The following COPG2 variants were observed in gnomAD, a reference collection of about 807,000 sequenced individuals.
COPG2 encodes the protein coatomer subunit gamma-2.
A neutral mutation model predicts 46.3 loss-of-function variants in COPG2; 37 were observed. The observed-to-expected ratio is 0.80, with a 90% CI of 0.61 to 1.05. The LOEUF (loss-of-function observed/expected upper bound fraction) is 1.05, where lower values mean the gene tolerates loss of function less well. Ranked by LOEUF, COPG2 falls within the 50% of genes least tolerant of loss-of-function variation. The pLI is 0.00. For missense variants in COPG2, 427 were observed against 387.8 expected (o/e 1.10, Z -0.85); for synonymous variants, 159 against 129.7 (o/e 1.23, Z -1.53).
chr7:130,585,226 C>A (rs1344399928), intron 9 of COPG2, among the ~76,000 whole-genome samples: 3 of 152,004 alleles, frequency 2.0e-5, no homozygotes, highest in Admixed American at 2.0e-4. Flanking sequence ...AAAGGACACC[C>A]TTTTCAACTA....
chr7:130,592,771 T>G (rs1273801059), intron 9 of COPG2, among the ~76,000 whole-genome samples: 7 of 152,290 alleles, frequency 4.6e-5, no homozygotes, highest in African/African-American at 1.7e-4. Flanking sequence ...CAGCCTCTGA[T>G]TATACCAGGG....
intron 5 of COPG2, among the ~76,000 whole-genome samples, chr7:130,648,176 T>C (rs1231158885): frequency 6.6e-6 from 1 of 152,152 alleles, no homozygotes; most frequent in Non-Finnish European, 1.5e-5. Flanking sequence ...AGCCAACAAA[T>C]TTTCTATGCA....
At chr7:130,616,957 C>A (rs782354790) in intron 6 of COPG2, 33 bp downstream of exon 6, 1 of 1,426,896 alleles carries the variant, frequency 7.0e-7, no homozygotes, top group South Asian at 1.2e-5. Context: ...ACATAGTGTT[C>A]CATTTGGTAA....
chr7:130,524,651 C>T (rs1201368360), intron 20 of COPG2, among the ~76,000 whole-genome samples: 1 of 152,004 alleles, frequency 6.6e-6, no homozygotes, highest in Non-Finnish European at 1.5e-5. Flanking sequence ...GGGACTTTAC[C>T]CCAGATGGGG....
chr7:130,661,694 C>T (rs782040952), intron 4 of COPG2, among the ~76,000 whole-genome samples: 4 of 152,096 alleles, frequency 2.6e-5, no homozygotes, highest in Admixed American at 6.5e-5. Context: ...GAAGACAAAG[C>T]CTTGGGTAAC....
intron 9 of COPG2, among the ~76,000 whole-genome samples, chr7:130,566,533 C>T (rs905264885): frequency 2.0e-5 from 3 of 152,198 alleles, no homozygotes; most frequent in Admixed American, 6.5e-5. Flanking sequence ...TAAAGAAAGA[C>T]TGAGAGAGAG....
intron 20 of COPG2, among the ~76,000 whole-genome samples, chr7:130,545,448 A>T (rs1793424988): frequency 1.3e-5 from 2 of 152,318 alleles, no homozygotes; most frequent in South Asian, 4.1e-4. Flanking sequence ...GGTGACAGGT[A>T]AAATTTGGAA....
intron 9 of COPG2, among the ~76,000 whole-genome samples, chr7:130,583,213 T>C (rs1329850163): frequency 1.3e-5 from 2 of 151,184 alleles, no homozygotes; most frequent in Non-Finnish European, 2.9e-5. Flanking sequence ...TGGATGAAAT[T>C]GGAAATCATC....
intron 5 of COPG2, among the ~76,000 whole-genome samples, chr7:130,643,952 G>A (rs1795543359): frequency 6.6e-6 from 1 of 152,178 alleles, no homozygotes; most frequent in Non-Finnish European, 1.5e-5. Flanking sequence ...CTGGGTGACA[G>A]AGAGAGACCC....
At chr7:130,609,424 G>A (rs1408305441) in intron 9 of COPG2, among the ~76,000 whole-genome samples, 5 of 152,150 alleles carry the variant, frequency 3.3e-5, no homozygotes, top group African/African-American at 9.7e-5. Flanking sequence ...CATTCAAGAC[G>A]TGACTTGTTC....
intron 1 of COPG2, 30 bp downstream of exon 1, chr7:130,668,602 G>A: frequency 6.6e-7 from 1 of 1,511,480 alleles, no homozygotes; most frequent in Non-Finnish European, 8.8e-7. Context: ...TCCCGCGGCT[G>A]AGGGTGGGCC....
chr7:130,608,792 T>C (rs1376617947), intron 9 of COPG2, among the ~76,000 whole-genome samples: 1 of 152,142 alleles, frequency 6.6e-6, no homozygotes, highest in African/African-American at 2.4e-5. Flanking sequence ...GTAATATATA[T>C]GACTAGGTTA....
intron 5 of COPG2, among the ~76,000 whole-genome samples, chr7:130,629,519 C>T (rs1177754070): frequency 2.6e-5 from 4 of 151,614 alleles, no homozygotes; most frequent in African/African-American, 7.3e-5. Flanking sequence ...CTCAGCCTCC[C>T]GAGTAGCTGG....
At chr7:130,616,326 C>A (rs1217732132) in intron 6 of COPG2, among the ~76,000 whole-genome samples, 1 of 152,082 alleles carries the variant, frequency 6.6e-6, no homozygotes, top group Non-Finnish European at 1.5e-5. Context: ...TTTGAGATTT[C>A]TTCTGCATTT....
At chr7:130,562,928 CAT>C (rs1267087265) in intron 11 of COPG2, among the ~76,000 whole-genome samples, 7 of 152,294 alleles carry the variant, frequency 4.6e-5, no homozygotes, top group Non-Finnish European at 1.0e-4. Flanking sequence ...CCACTGACCA[CAT>C]GTGGCTGTGA....
rs1793783691 is a variant in COPG2, at chr7:130,565,197, G to C, written c.738-804C>G. On this transcript the variant is annotated intron_variant, in intron 9 of 23. Coordinates refer to ENST00000425248, the MANE Select transcript of COPG2 (RefSeq NM_012133.6). ...GACTCTGAGGCTCTGCACAAAGCAG[G>C]AAGTGAAGGCTAAGGCAGAGCTGTG... Among the ~76,000 whole-genome samples the C allele has an allele frequency of 2.0e-5, 3 of 152,328 alleles. No homozygotes were observed. The East Asian group carries it at 5.8e-4, about 29-fold the overall frequency.
At chr7:130,593,636 T>A (rs2116467443) in intron 9 of COPG2, among the ~76,000 whole-genome samples, 1 of 152,254 alleles carries the variant, frequency 6.6e-6, no homozygotes, top group East Asian at 1.9e-4. Context: ...GACACCTGAT[T>A]TATAACAAAG....
At chr7:130,517,006 G>A (rs1204862000) in intron 20 of COPG2, among the ~76,000 whole-genome samples, 5 of 152,126 alleles carry the variant, frequency 3.3e-5, no homozygotes, top group Non-Finnish European at 7.3e-5. Context: ...GTATCCAGAA[G>A]AACCCATTGA....
At position 130,668,748 on chromosome 7, in the gene COPG2, G is replaced by C; in HGVS notation, c.-80C>G. The C allele has an allele frequency of 6.8e-7, 1 of 1,460,720 alleles. No individual in the cohort carries two copies. The highest frequency in any genetic ancestry group is 3.0e-5 in the East Asian group (1 of 33,684). The allele number at this position is 1,460,720 out of a possible 1,614,324, so 90.5% of individuals were successfully genotyped here. A position where few individuals can be genotyped will look rare whatever the true frequency, so the allele number is the denominator to read the frequency against. On this transcript the variant is annotated 5_prime_UTR_variant, in exon 1 of 24. Transcript: ENST00000425248. ...CGGCGAGCGGAAGAGGCTGCAGGAA[G>C]GCCGGCCCCGCGCTCTCACGCCGGT... is the stretch of plus-strand genomic sequence containing the variant.
Sources: gnomAD v4.1 joint callset for allele counts (sites outside exome capture counted in the v4.1 genomes callset) on GRCh38, gnomAD v4.1.1 for gene constraint, MANE v1.5 for transcripts, NCBI Gene and HGNC (gene_info 2026-07-23, HGNC 2026-07-21) for gene names.